Variants in LIFR observed in about 807,000 individuals in gnomAD.
LIFR encodes the protein LIF receptor subunit alpha.
LIFR carries 84 observed loss-of-function variants against 122.2 expected under a neutral mutation model. The ratio of observed to expected loss-of-function variants is 0.69; its 90% CI spans 0.58 to 0.82. LIFR has a LOEUF of 0.82. LIFR is among the 40% of genes least tolerant of loss of function. LIFR has a pLI of 0.00. For missense variants in LIFR, 1,294 were observed against 1,311.6 expected, an observed-to-expected ratio of 0.99 and a Z score of 0.21; for synonymous variants, 422 against 434.7, an observed-to-expected ratio of 0.97 and a Z score of 0.36.
chr5:38,561,195 C>T (rs923383855), upstream of LIFR, among the ~76,000 whole-genome samples: 7 of 152,148 alleles, frequency 4.6e-5, no homozygotes, highest in Admixed American at 4.6e-4. Flanking sequence ...GCGATACTCA[C>T]ATATCCAAGT....
chr5:38,552,154 A>C (rs1279711850), intron 1 of LIFR, among the ~76,000 whole-genome samples: 1 of 152,254 alleles, frequency 6.6e-6, no homozygotes, highest in Non-Finnish European at 1.5e-5. Context: ...AATTGTCTTA[A>C]GTAGAAACTG....
intron 1 of LIFR, among the ~76,000 whole-genome samples, chr5:38,538,501 G>A (rs1747408819): frequency 6.6e-6 from 1 of 152,172 alleles, no homozygotes; most frequent in South Asian, 2.1e-4. Context: ...AACTCCAGAT[G>A]TACTGAATTA....
rs186016743 is a variant in LIFR, at chr5:38,593,815, T to A, written c.-20+1446A>T. 2.0e-4 allele frequency among the ~76,000 whole-genome samples: 30 copies of A among 152,232 alleles called. No individual in the cohort carries two copies. In the East Asian group the frequency reaches 5.6e-3, roughly 29 times the overall value. ...TCCCTTTTGCTATGTGAAGACATGA[T>A]AAGAAAACGGTCCTCTAAGAACGAG... On this transcript the variant is annotated intron_variant, in intron 1 of 19. Coordinates refer to the LIFR transcript ENST00000263409.
At chr5:38,509,534 C>G (rs1561158684) in intron 7 of LIFR, among the ~76,000 whole-genome samples, 1 of 152,056 alleles carries the variant, frequency 6.6e-6, no homozygotes, top group Non-Finnish European at 1.5e-5. Flanking sequence ...AACGAGAGAG[C>G]TGCTGATCTA....
Position 38,552,713 on chromosome 5 carries a change from G to C in LIFR, c.-20+3621C>G, listed in dbSNP as rs189277950. Among the ~76,000 whole-genome samples the C allele has an allele frequency of 5.8e-3, 883 of 152,320 alleles. 5 individuals are homozygous for C. Among genetic ancestry groups the C allele is most frequent in the Admixed American group, 8.5e-3 (130 of 15,300 alleles). ...CAAGTGTAATTGACTTAAAGCAACA[G>C]TTTGACAAAAGTGATAATTTGAAAG... On this transcript the variant is annotated intron_variant, in intron 1 of 19. Coordinates refer to ENST00000453190, the MANE Select transcript of LIFR (RefSeq NM_001127671.2).
At chr5:38,482,695 T>A in intron 18 of LIFR, 28 bp from the exon 19 acceptor site, 2 of 921,820 alleles carry the variant, frequency 2.2e-6, no homozygotes, top group Non-Finnish European at 3.3e-6. Context: ...TTACAGTAAA[T>A]TTAATAGTTT....
At chr5:38,538,233 G>T (rs911102020) in intron 1 of LIFR, among the ~76,000 whole-genome samples, 2 of 152,136 alleles carry the variant, frequency 1.3e-5, no homozygotes, top group African/African-American at 4.8e-5. Context: ...TCCTTGGTGG[G>T]ACTCCTTAGC....
At chr5:38,607,194 C>G (rs369701944) in intron 1 of LIFR, among the ~76,000 whole-genome samples, 1 of 152,100 alleles carries the variant, frequency 6.6e-6, no homozygotes, top group Non-Finnish European at 1.5e-5. Flanking sequence ...TTCTTAGAAT[C>G]GTCTTATATT....
chr5:38,601,143 A>G (rs1200835998), intron 2 of LIFR, among the ~76,000 whole-genome samples: 1 of 152,210 alleles, frequency 6.6e-6, no homozygotes, highest in African/African-American at 2.4e-5. Flanking sequence ...ACGAGGTTAC[A>G]AGATGGAGCC....
intron 2 of LIFR, among the ~76,000 whole-genome samples, chr5:38,601,560 A>G (rs1750222504): frequency 6.6e-6 from 1 of 152,038 alleles, no homozygotes; most frequent in Admixed American, 6.6e-5. Context: ...TGTACTACTT[A>G]TAGGGTCACG....
intron 1 of LIFR, among the ~76,000 whole-genome samples, chr5:38,555,412 T>C (rs566831199): frequency 6.6e-6 from 1 of 152,314 alleles, no homozygotes; most frequent in East Asian, 1.9e-4. Flanking sequence ...TCTGGACCCC[T>C]GCCTAAACGA....
rs1745064434 is a variant in LIFR at position 38,499,505 on chromosome 5, A to G, written c.1671+8T>C. The G allele has an allele frequency of 1.3e-6, 2 of 1,549,980 alleles. No individual in the cohort carries two copies. Among genetic ancestry groups the G allele is most frequent in the South Asian group, 1.1e-5 (1 of 89,742 alleles). ...ATGTAAATGTTCACAGAAAAATTAG[A>G]TATTTACCTTCCAATAGATTATTAA... is the stretch of plus-strand genomic sequence containing the variant. On this transcript the variant is annotated splice_region_variant and intron_variant, in intron 12 of 19. Coordinates refer to ENST00000453190, the MANE Select transcript of LIFR (RefSeq NM_001127671.2).
At chr5:38,524,627 C>A (rs1358491156) in intron 4 of LIFR, among the ~76,000 whole-genome samples, 1 of 152,172 alleles carries the variant, frequency 6.6e-6, no homozygotes, top group Non-Finnish European at 1.5e-5. Flanking sequence ...TCGGGAATCA[C>A]TGTGAAGAGA....
At chr5:38,574,319 C>A (rs1274025295) in intron 1 of LIFR, among the ~76,000 whole-genome samples, 1 of 152,112 alleles carries the variant, frequency 6.6e-6, no homozygotes, top group African/African-American at 2.4e-5. Context: ...TTTGTCACCC[C>A]AATTCTTGGC....
intron 1 of LIFR, chr5:38,579,310 C>G (rs1367629887): frequency 6.6e-6 from 1 of 152,116 alleles, no homozygotes; most frequent in Non-Finnish European, 1.5e-5. Flanking sequence ...GGTCACGTGG[C>G]CACACTTGGG....
chr5:38,551,051 A>C (rs899401742), intron 1 of LIFR, among the ~76,000 whole-genome samples: 2 of 152,194 alleles, frequency 1.3e-5, no homozygotes, highest in East Asian at 1.9e-4. Context: ...ATTTACAGTA[A>C]AATTGTGGTG....
intron 2 of LIFR, among the ~76,000 whole-genome samples, chr5:38,529,562 C>T (rs1746886728): frequency 6.6e-6 from 1 of 151,818 alleles, no homozygotes; most frequent in Admixed American, 6.6e-5. Flanking sequence ...TATAAAATAA[C>T]ATTACACCAT....
chr5:38,604,989 T>G (rs574152328), intron 2 of LIFR, among the ~76,000 whole-genome samples: 4 of 152,132 alleles, frequency 2.6e-5, no homozygotes, highest in Non-Finnish European at 4.4e-5. Flanking sequence ...AGTATTATTA[T>G]CAGTAGAAAG....
At chr5:38,527,065 C>T in intron 4 of LIFR, 90 bp downstream of exon 4, 1 of 1,158,914 alleles carries the variant, frequency 8.6e-7, no homozygotes, top group Non-Finnish European at 1.2e-6. Flanking sequence ...AATAGCATAA[C>T]ACATGAAATT....
Sources: allele counts gnomAD v4.1 joint callset (sites outside exome capture counted in the v4.1 genomes callset), GRCh38; gene constraint gnomAD v4.1.1; transcripts MANE v1.5; gene names NCBI Gene and HGNC (gene_info 2026-07-23, HGNC 2026-07-21).